The following SPMAP2L variants were observed in gnomAD, a reference collection of about 807,000 sequenced individuals.
The protein encoded by SPMAP2L is sperm microtubule associated protein 2-like.
chr4:56,614,640 C>T, the SPMAP2L span, among the ~76,000 whole-genome samples: 4 of 151,704 alleles, frequency 2.6e-5, no homozygotes, highest in Non-Finnish European at 5.9e-5. Context: ...GGCGACAGAG[C>T]GAGATCCGTC....
At chr4:56,620,622 T>A in the SPMAP2L span, among the ~76,000 whole-genome samples, 1 of 152,174 alleles carries the variant, frequency 6.6e-6, no homozygotes, top group Non-Finnish European at 1.5e-5. Flanking sequence ...CAACCTCAGG[T>A]GATCTGCCCG....
the SPMAP2L span, among the ~76,000 whole-genome samples, chr4:56,533,669 C>T: frequency 4.6e-5 from 7 of 151,750 alleles, no homozygotes; most frequent in Admixed American, 1.3e-4. Flanking sequence ...TGCAATGGAC[C>T]GGATGCGGTG....
chr4:56,613,000 G>A, the SPMAP2L span, among the ~76,000 whole-genome samples: 19 of 152,020 alleles, frequency 1.2e-4, no homozygotes, highest in Non-Finnish European at 2.6e-4. Context: ...CGGAGTCCCT[G>A]CTCCATCTCA....
the SPMAP2L span, among the ~76,000 whole-genome samples, chr4:56,608,630 AC>A: frequency 3.3e-5 from 5 of 152,230 alleles, no homozygotes; most frequent in East Asian, 7.7e-4. Flanking sequence ...CCCCTCAGCC[AC>A]CCCAGGTATG....
chr4:56,612,355 T>C, the SPMAP2L span, among the ~76,000 whole-genome samples: 3,894 of 152,092 alleles, frequency 0.026, 129 homozygotes, highest in African/African-American at 0.08. Context: ...CTTTTTTTCT[T>C]TCTTTTTTTT....
At chr4:56,569,816 A>G in the SPMAP2L span, among the ~76,000 whole-genome samples, 1 of 152,096 alleles carries the variant, frequency 6.6e-6, no homozygotes, top group Non-Finnish European at 1.5e-5. Context: ...GTTACTGGAG[A>G]TGTCTTTATT....
At chr4:56,552,478 G>A in the SPMAP2L span, 30 of 811,348 alleles carry the variant, frequency 3.7e-5, no homozygotes, top group Admixed American at 6.1e-5. Context: ...CCCCTCCTAT[G>A]AGCAGGAGTC....
the SPMAP2L span, among the ~76,000 whole-genome samples, chr4:56,568,838 A>G: frequency 6.6e-6 from 1 of 152,196 alleles, no homozygotes; most frequent in Non-Finnish European, 1.5e-5. Context: ...CCAAGCCCTA[A>G]GTAACCACTA....
chr4:56,544,305 G>A, the SPMAP2L span, among the ~76,000 whole-genome samples: 1 of 152,030 alleles, frequency 6.6e-6, no homozygotes, highest in African/African-American at 2.4e-5. Context: ...CGTTTTCCTT[G>A]CCCAGTTCTT....
the SPMAP2L span, among the ~76,000 whole-genome samples, chr4:56,580,629 G>A: frequency 2.7e-5 from 4 of 149,962 alleles, no homozygotes; most frequent in East Asian, 7.7e-4. Flanking sequence ...AGGGCAATTA[G>A]GCATGAAAAA....
At chr4:56,611,810 A>G in the SPMAP2L span, among the ~76,000 whole-genome samples, 1 of 152,094 alleles carries the variant, frequency 6.6e-6, no homozygotes, top group African/African-American at 2.4e-5. Context: ...AGAAAGCCAA[A>G]TACGCTCCCT....
At chr4:56,546,849 C>A in the SPMAP2L span, among the ~76,000 whole-genome samples, 1 of 152,188 alleles carries the variant, frequency 6.6e-6, no homozygotes, top group Non-Finnish European at 1.5e-5. Context: ...TCATGGGTGA[C>A]AGCACGGCTG....
the SPMAP2L span, chr4:56,596,495 C>G: frequency 6.6e-7 from 1 of 1,513,698 alleles, no homozygotes; most frequent in Non-Finnish European, 8.8e-7. Flanking sequence ...ATTTTTCTCC[C>G]CTAGATGCAA....
the SPMAP2L span, among the ~76,000 whole-genome samples, chr4:56,564,092 TCAGA>T: frequency 1.3e-5 from 2 of 152,104 alleles, no homozygotes; most frequent in African/African-American, 4.8e-5. Flanking sequence ...TGTGTGTCTT[TCAGA>T]CAGTTTATTA....
At chr4:56,585,348 T>C in the SPMAP2L span, among the ~76,000 whole-genome samples, 1 of 152,100 alleles carries the variant, frequency 6.6e-6, no homozygotes, top group East Asian at 1.9e-4. Flanking sequence ...CCGTGGGATT[T>C]TATTTTTTTA....
At chr4:56,596,222 T>A in the SPMAP2L span, among the ~76,000 whole-genome samples, 1,459 of 152,294 alleles carry the variant, frequency 9.6e-3, 18 homozygotes, top group African/African-American at 0.033. Context: ...AGGTTTTTTT[T>A]ATCTGCATTT....
chr4:56,545,814 C>T, the SPMAP2L span, among the ~76,000 whole-genome samples: 9 of 151,638 alleles, frequency 5.9e-5, no homozygotes, highest in East Asian at 1.9e-4. Flanking sequence ...TTGTTTGAGA[C>T]GGAGTTTCGC....
At chr4:56,607,752 C>A in the SPMAP2L span, among the ~76,000 whole-genome samples, 1 of 152,024 alleles carries the variant, frequency 6.6e-6, no homozygotes, top group Admixed American at 6.6e-5. Flanking sequence ...CTTTGAGGGA[C>A]TGAGGTGGGA....
the SPMAP2L span, among the ~76,000 whole-genome samples, chr4:56,539,184 C>G: frequency 6.6e-6 from 1 of 150,742 alleles, no homozygotes; most frequent in African/African-American, 2.4e-5. Flanking sequence ...ACCTAATCAT[C>G]ACTGTTATTG....
Sources: gnomAD v4.1 joint callset for allele counts (sites outside exome capture counted in the v4.1 genomes callset) on GRCh38, gnomAD v4.1.1 for gene constraint, MANE v1.5 for transcripts, NCBI Gene and HGNC (gene_info 2026-07-23, HGNC 2026-07-21) for gene names.